Variants in PLSCR5 observed in about 807,000 individuals in gnomAD.
The protein encoded by PLSCR5 is phospholipid scramblase family member 5.
PLSCR5 carries 44 observed loss-of-function variants against 33.6 expected under a neutral mutation model. The observed-to-expected ratio is 1.31, with a 90% CI of 1.03 to 1.69. The LOEUF is 1.69. Among genes scored for constraint, PLSCR5 ranks in the 40% most tolerant of loss-of-function variants. PLSCR5 has a pLI of 0.00. For synonymous variants in PLSCR5, 148 were observed against 112.3 expected, an observed-to-expected ratio of 1.32 and a Z score of -2.01; for missense variants, 375 against 318.7, an observed-to-expected ratio of 1.18 and a Z score of -1.34.
At chr3:146,604,425 G>C (rs1458601736) in intron 1 of PLSCR5, among the ~76,000 whole-genome samples, 1 of 152,064 alleles carries the variant, frequency 6.6e-6, no homozygotes, top group Non-Finnish European at 1.5e-5. Flanking sequence ...TCTGCTAAGT[G>C]ATCTGTGCGC....
intron 7 of PLSCR5, among the ~76,000 whole-genome samples, chr3:146,577,105 C>T (rs2044603562): frequency 6.6e-6 from 1 of 152,146 alleles, no homozygotes; most frequent in East Asian, 1.9e-4. Flanking sequence ...GTTATTTAAA[C>T]ATTTAGCCTG....
chr3:146,590,307 T>G (rs2044703085), intron 5 of PLSCR5: 1 of 152,074 alleles, frequency 6.6e-6, no homozygotes, highest in South Asian at 2.1e-4. Flanking sequence ...ATTTTATAAT[T>G]ATTAAAACAT....
intron 4 of PLSCR5, 83 bp from the exon 5 acceptor site, chr3:146,591,964 C>A: frequency 8.8e-7 from 1 of 1,135,398 alleles, no homozygotes; most frequent in Non-Finnish European, 1.2e-6. Flanking sequence ...TACCTGTAAA[C>A]AATATACTGT....
At chr3:146,603,854 A>G (rs1239183612) in intron 1 of PLSCR5, among the ~76,000 whole-genome samples, 2 of 152,114 alleles carry the variant, frequency 1.3e-5, no homozygotes, top group African/African-American at 4.8e-5. Context: ...ATTTGTCTTC[A>G]GATAGAAAAA....
At chr3:146,604,040 G>C (rs17433714) in intron 1 of PLSCR5, among the ~76,000 whole-genome samples, 13,909 of 152,014 alleles carry the variant, frequency 0.091, 849 homozygotes, top group Middle Eastern at 0.16. Context: ...AGTGTGTTTT[G>C]ATAAAGGAAG....
At chr3:146,598,780 T>G (rs1057198956) in intron 2 of PLSCR5, among the ~76,000 whole-genome samples, 11 of 152,230 alleles carry the variant, frequency 7.2e-5, no homozygotes, top group African/African-American at 2.7e-4. Flanking sequence ...TGATCCTTTC[T>G]GCAGATGGAA....
chr3:146,576,978 A>G (rs926255821), intron 7 of PLSCR5, among the ~76,000 whole-genome samples: 3 of 151,644 alleles, frequency 2.0e-5, no homozygotes, highest in African/African-American at 7.3e-5. Flanking sequence ...TGTACATTAG[A>G]ATTACTAGTC....
rs576109756 is a variant in PLSCR5, at chr3:146,587,881, C to CAT, written c.777+1770_778-1770dup. Among the ~76,000 whole-genome samples, 267 of 150,146 alleles carry CAT rather than the reference C, an allele frequency of 1.8e-3. 1 individual carries two copies. In the South Asian group the frequency reaches 0.019, roughly 11 times the overall value. ...ATATGTATATGTATATGTATATATG[C>CAT]ATATATATATACATATATATCTATG... On this transcript the variant is annotated intron_variant, in intron 6 of 7. Transcript: ENST00000443512.
At chr3:146,586,330 T>C (rs2044665485) in intron 6 of PLSCR5, among the ~76,000 whole-genome samples, 1 of 152,200 alleles carries the variant, frequency 6.6e-6, no homozygotes, top group Non-Finnish European at 1.5e-5. Context: ...AGAAACCCTA[T>C]CTGAATCTGC....
At position 146,595,024 on chromosome 3, in the gene PLSCR5, A is replaced by G; in HGVS notation, c.232+17T>C. ...TCAATAGTTTTAATAAATATGTAAT[A>G]TATATAATGCACTTACTTCCAAGCA... On this transcript the variant is annotated intron_variant, in intron 3 of 7. Transcript: ENST00000443512. 7.3e-7 allele frequency: 1 copy of G among 1,363,776 alleles called. No individual in the cohort carries two copies. Among genetic ancestry groups the G allele is most frequent in the Non-Finnish European group, 9.7e-7 (1 of 1,031,236 alleles). The allele number at this position is 1,363,776 out of a possible 1,614,324, so 84.5% of individuals were successfully genotyped here.
Position 146,585,895 on chromosome 3 carries a change from G to A in PLSCR5, c.*92C>T. ...ATTAACATTTTTTTTTAACAAAAAA[G>A]CAAACATTCAAACCATTCAGAAATG... On this transcript the variant is annotated 3_prime_UTR_variant, in exon 8 of 8. Coordinates refer to ENST00000443512, the MANE Select transcript of PLSCR5 (RefSeq NM_001085420.2). 3.8e-6 allele frequency: 2 copies of A among 531,082 alleles called. No individual in the cohort carries two copies. The highest frequency in any genetic ancestry group is 3.0e-6 in the Non-Finnish European group (1 of 334,680). 32.9% of individuals were successfully genotyped at this position (531,082 alleles called of 1,614,324 possible).
intron 5 of PLSCR5, 131 bp from the exon 6 acceptor site, chr3:146,589,945 T>C (rs17433008): frequency 0.27 from 155,340 of 575,098 alleles, 21,491 homozygotes; most frequent in African/African-American, 0.36. Context: ...TTCCATGTTA[T>C]TCATTCCATC....
chr3:146,594,192 A>G lies in PLSCR5; in HGVS notation c.233-52T>C. On this transcript the variant is annotated intron_variant, in intron 3 of 7. Transcript: ENST00000443512. ...AAACATTTTTTTCCTTAGTATTGAT[A>G]ACTTTAAATAAAGGGGAGATGTTAT... The G allele has an allele frequency of 3.0e-6, 4 of 1,315,228 alleles. No individual in the cohort carries two copies. The African/African-American group carries it at 5.9e-5, about 20-fold the overall frequency. 81.5% of individuals were successfully genotyped at this position (1,315,228 alleles called of 1,614,324 possible). A position where few individuals can be genotyped will look rare whatever the true frequency, so the allele number is the denominator to read the frequency against.
chr3:146,584,493 T>A (rs1310326960), downstream of PLSCR5, among the ~76,000 whole-genome samples: 1 of 152,140 alleles, frequency 6.6e-6, no homozygotes, highest in Non-Finnish European at 1.5e-5. Context: ...ATGGTATGAC[T>A]GGGAGAAAGG....
In PLSCR5 at chr3:146,591,240, T is replaced by G. The variant is rs2044711930; in HGVS notation, c.615+480A>C. 2.0e-5 allele frequency among the ~76,000 whole-genome samples: 3 copies of G among 152,028 alleles called. No homozygotes were observed. The South Asian group carries it at 6.2e-4, about 31-fold the overall frequency. ...ACATACTGAAACAAGAATGAAGTGC[T>G]AATTTTCAAAATCAGGAAATATTGG... On this transcript the variant is annotated intron_variant, in intron 5 of 7. Coordinates refer to ENST00000443512, the MANE Select transcript of PLSCR5 (RefSeq NM_001085420.2).
rs556694877 is a variant in PLSCR5 at position 146,588,466 on chromosome 3, A to G, written c.777+1187T>C. Among the ~76,000 whole-genome samples the G allele has an allele frequency of 3.1e-4, 47 of 152,108 alleles. No individual in the cohort carries two copies. The South Asian group carries it at 9.3e-3, about 30-fold the overall frequency. On this transcript the variant is annotated intron_variant, in intron 6 of 7. Transcript: ENST00000443512. ...AGCCTGGGTGACAGAGTGAGACTCT[A>G]TCTCAAAAAATAGAACAAAAAATAA...
rs2044740311 is a variant in PLSCR5, at chr3:146,594,238, T to A, written c.233-98A>T. 7.2e-6 allele frequency: 6 copies of A among 837,386 alleles called. No individual in the cohort carries two copies. In the Admixed American group the frequency reaches 1.5e-4, roughly 22 times the overall value. 51.9% of individuals were successfully genotyped at this position (837,386 alleles called of 1,614,324 possible). Reference sequence around the variant, plus strand: ...GTTATTAAAAGAATACAGTGTCTGATCAATTATTAAATATATGGTATCTTC... The same window carrying A: ...GTTATTAAAAGAATACAGTGTCTGAACAATTATTAAATATATGGTATCTTC... On this transcript the variant is annotated intron_variant, in intron 3 of 7. Transcript: ENST00000443512.
intron 6 of PLSCR5, among the ~76,000 whole-genome samples, chr3:146,589,389 T>A (rs548491668): frequency 6.6e-6 from 1 of 152,198 alleles, no homozygotes; most frequent in Middle Eastern, 3.4e-3. Context: ...AAGGGGAAAC[T>A]AGGTTTTAAA....
intron 1 of PLSCR5, among the ~76,000 whole-genome samples, chr3:146,601,356 T>C (rs530677659): frequency 3.9e-4 from 59 of 151,458 alleles, no homozygotes; most frequent in African/African-American, 1.4e-3. Context: ...TCTCATTAGA[T>C]ATAATTTTTT....
Sources: allele counts gnomAD v4.1 joint callset (sites outside exome capture counted in the v4.1 genomes callset), GRCh38; gene constraint gnomAD v4.1.1; transcripts MANE v1.5; gene names NCBI Gene and HGNC (gene_info 2026-07-23, HGNC 2026-07-21).